C10orf143: variants seen among roughly 807,000 people sequenced by gnomAD.
C10orf143 encodes uncharacterized protein C10orf143.
At chr10:130,055,025 G>A (rs140610069) in intron 3 of C10orf143, among the ~76,000 whole-genome samples, 11 of 151,952 alleles carry the variant, frequency 7.2e-5, no homozygotes, top group Admixed American at 2.6e-4. Flanking sequence ...GAAATTGAAC[G>A]ATTATCTTAC....
intron 3 of C10orf143, among the ~76,000 whole-genome samples, chr10:130,074,509 C>T (rs530548271): frequency 6.6e-6 from 1 of 152,126 alleles, no homozygotes; most frequent in Non-Finnish European, 1.5e-5. Flanking sequence ...CTCTGTTCAT[C>T]GATATCAGAA....
At chr10:130,105,737 C>T (rs1028300558) in intron 1 of C10orf143, among the ~76,000 whole-genome samples, 1 of 152,064 alleles carries the variant, frequency 6.6e-6, no homozygotes, top group Non-Finnish European at 1.5e-5. Flanking sequence ...TTCCCCTCCC[C>T]CCCCAAACAA....
intron 3 of C10orf143, among the ~76,000 whole-genome samples, chr10:130,045,534 C>A (rs1413679076): frequency 6.6e-6 from 1 of 152,258 alleles, no homozygotes; most frequent in Non-Finnish European, 1.5e-5. Flanking sequence ...GCGAGCGCCA[C>A]GCCCCAAAAC....
At chr10:130,046,170 G>A (rs1860669521) in intron 3 of C10orf143, among the ~76,000 whole-genome samples, 1 of 151,250 alleles carries the variant, frequency 6.6e-6, no homozygotes, top group East Asian at 2.0e-4. Flanking sequence ...GGCGAGAGGT[G>A]CTAAGTGGGG....
Position 130,056,806 on chromosome 10 carries a change from T to C in C10orf143, c.298-20836A>G, listed in dbSNP as rs202127503. Among the ~76,000 whole-genome samples, 15 of 152,290 alleles carry C rather than the reference T, an allele frequency of 9.8e-5. No individual in the cohort carries two copies. In the East Asian group the frequency reaches 2.5e-3, roughly 26 times the overall value. ...CGGGGTTTCACCATGTTAGCCAAGA[T>C]GGTCTCGATCTCCTGACCTCATGAT... On this transcript the variant is annotated intron_variant and NMD_transcript_variant, in intron 3 of 5. Transcript: ENST00000643056. This position sits in a 1 kb window ranked among gnomAD's most constrained non-coding sequence, Gnocchi z 4.6.
intron 3 of C10orf143, among the ~76,000 whole-genome samples, chr10:130,046,385 T>C (rs1430141120): frequency 6.6e-6 from 1 of 151,990 alleles, no homozygotes; most frequent in Non-Finnish European, 1.5e-5. Flanking sequence ...GAAGCGCCAG[T>C]TGCGGGACCC....
intron 1 of C10orf143, 88 bp downstream of exon 1, chr10:130,110,616 G>A (rs1034488435): frequency 5.0e-6 from 2 of 398,198 alleles, no homozygotes; most frequent in African/African-American, 2.1e-5. Context: ...CACAGGCAGG[G>A]CCGCGCCGGC....
chr10:130,042,876 T>G lies in C10orf143; in HGVS notation c.298-6906A>C, dbSNP rs143333141. On this transcript the variant is annotated intron_variant and NMD_transcript_variant, in intron 3 of 5. Coordinates refer to the C10orf143 transcript ENST00000643056. Reference sequence around the variant, plus strand: ...AATATCAGACTCTATTAAGGAATTATGGATCATTTTGTTAAATGTGTGTAT... The same window carrying G: ...AATATCAGACTCTATTAAGGAATTAGGGATCATTTTGTTAAATGTGTGTAT... Among the ~76,000 whole-genome samples, 339 of 152,348 alleles carry G rather than the reference T, an allele frequency of 2.2e-3. 1 individual carries two copies. Among genetic ancestry groups the G allele is most frequent in the African/African-American group, 7.7e-3 (322 of 41,584 alleles).
At chr10:130,058,580 AT>A (rs5789009) in intron 3 of C10orf143, among the ~76,000 whole-genome samples, 2,063 of 144,088 alleles carry the variant, frequency 0.014, 23 homozygotes, top group East Asian at 0.034. Flanking sequence ...TTTAAACAGC[AT>A]TTTTTTTTTT....
At chr10:130,049,754 G>T (rs1012680593) in intron 3 of C10orf143, among the ~76,000 whole-genome samples, 1 of 152,208 alleles carries the variant, frequency 6.6e-6, no homozygotes, top group African/African-American at 2.4e-5. Context: ...AGTCCTGAGG[G>T]AGACCATTCC....
At chr10:130,037,647 G>A (rs1860559663) in intron 3 of C10orf143, among the ~76,000 whole-genome samples, 1 of 152,236 alleles carries the variant, frequency 6.6e-6, no homozygotes, top group South Asian at 2.1e-4. Context: ...CACAACAGGA[G>A]GCTGTGCACT....
chr10:130,108,986 C>T (rs1164316413), intron 1 of C10orf143, among the ~76,000 whole-genome samples: 1 of 152,226 alleles, frequency 6.6e-6, no homozygotes, highest in Non-Finnish European at 1.5e-5. Flanking sequence ...AGCAGCAGTA[C>T]TGCCCTCGCA....
At chr10:130,074,857 A>G (rs1252391877) in intron 3 of C10orf143, among the ~76,000 whole-genome samples, 1 of 152,154 alleles carries the variant, frequency 6.6e-6, no homozygotes, top group African/African-American at 2.4e-5. Flanking sequence ...CTGAACCAAA[A>G]CAATAGGTTT....
At chr10:130,110,226 G>A (rs910164794) in intron 1 of C10orf143, among the ~76,000 whole-genome samples, 1 of 152,116 alleles carries the variant, frequency 6.6e-6, no homozygotes, top group Non-Finnish European at 1.5e-5. Context: ...GCACTAACAC[G>A]CTCAATGCCG....
At chr10:130,053,628 C>T (rs1860762578) in intron 3 of C10orf143, among the ~76,000 whole-genome samples, 1 of 152,174 alleles carries the variant, frequency 6.6e-6, no homozygotes, top group Admixed American at 6.5e-5. Context: ...GGGCGAATGG[C>T]TGGGACTCGG....
At chr10:130,096,788 C>T (rs1770232040) in intron 1 of C10orf143, among the ~76,000 whole-genome samples, 2 of 147,476 alleles carry the variant, frequency 1.4e-5, no homozygotes, top group South Asian at 2.1e-4. Flanking sequence ...CACCATGGCA[C>T]GTGTATACCT....
At chr10:130,053,323 G>T (rs186653476) in intron 3 of C10orf143, among the ~76,000 whole-genome samples, 1 of 152,196 alleles carries the variant, frequency 6.6e-6, no homozygotes, top group Non-Finnish European at 1.5e-5. Flanking sequence ...CGCCTGCCTT[G>T]GTCTCCCAAA....
intron 1 of C10orf143, among the ~76,000 whole-genome samples, chr10:130,096,486 G>A (rs1438982449): frequency 3.3e-5 from 5 of 150,184 alleles, no homozygotes; most frequent in Non-Finnish European, 7.4e-5. Context: ...AAAGACACAT[G>A]CACATGTATG....
At chr10:130,095,249 C>G (rs1327875544) in intron 1 of C10orf143, among the ~76,000 whole-genome samples, 1 of 151,474 alleles carries the variant, frequency 6.6e-6, no homozygotes, top group Non-Finnish European at 1.5e-5. Context: ...TGTGAAGGAC[C>G]TCTTCAAGGA....
Sources: gnomAD v4.1 joint callset for allele counts (sites outside exome capture counted in the v4.1 genomes callset) on GRCh38, gnomAD v4.1.1 for gene constraint, Gnocchi (gnomAD v3.1) non-coding constraint, MANE v1.5 for transcripts, NCBI Gene and HGNC (gene_info 2026-07-23, HGNC 2026-07-21) for gene names.